The following TMEM117 variants were observed in gnomAD, a reference collection of about 807,000 sequenced individuals.
TMEM117 encodes the protein transmembrane protein 117.
A neutral mutation model predicts 52.4 loss-of-function variants in TMEM117; 27 were observed. The ratio of observed to expected loss-of-function variants is 0.51; its 90% CI spans 0.38 to 0.71. The LOEUF is 0.71. TMEM117 is among the 30% of genes least tolerant of loss of function. TMEM117 has a pLI of 0.00. For synonymous variants in TMEM117, 215 were observed against 206.3 expected (o/e 1.04, Z -0.36); for missense variants, 556 against 630.5 (o/e 0.88, Z 1.26).
chr12:44,114,230 C>T (rs983467508), intron 3 of TMEM117, among the ~76,000 whole-genome samples: 3 of 152,092 alleles, frequency 2.0e-5, no homozygotes, highest in Admixed American at 6.5e-5. Flanking sequence ...CTTGGCTCCT[C>T]CTCCGTACCA....
intron 6 of TMEM117, among the ~76,000 whole-genome samples, chr12:44,331,501 C>T (rs1378951557): frequency 6.6e-6 from 1 of 151,986 alleles, no homozygotes; most frequent in Non-Finnish European, 1.5e-5. Context: ...AGCCTCCACA[C>T]TCAAGAGTTA....
intron 3 of TMEM117, among the ~76,000 whole-genome samples, chr12:44,026,094 G>T (rs1266971166): frequency 6.6e-6 from 1 of 152,148 alleles, no homozygotes; most frequent in Non-Finnish European, 1.5e-5. Flanking sequence ...AGGTGACCCT[G>T]TTATATGAAT....
At chr12:44,271,999 T>TA (rs1950451963) in intron 5 of TMEM117, among the ~76,000 whole-genome samples, 1 of 152,060 alleles carries the variant, frequency 6.6e-6, no homozygotes, top group Non-Finnish European at 1.5e-5. Context: ...CCAACATCTC[T>TA]AATCATCAGG....
At position 44,187,729 on chromosome 12, in the gene TMEM117, TG is replaced by T. The variant is rs559533698; in HGVS notation, c.511-23559del. On this transcript the variant is annotated intron_variant, in intron 4 of 7. Coordinates refer to ENST00000266534, the MANE Select transcript of TMEM117 (RefSeq NM_032256.3). ...CAGTCATCTCCTGAAATAACCCTTTTGGCCACCAGTATTTGTTTTTTTAGAT... is the reference window on the plus strand; with the variant it reads ...CAGTCATCTCCTGAAATAACCCTTTTGCCACCAGTATTTGTTTTTTTAGAT... 3.3e-5 allele frequency among the ~76,000 whole-genome samples: 5 copies of T among 152,280 alleles called. No homozygotes were observed. The South Asian group carries it at 1.0e-3, about 32-fold the overall frequency.
chr12:44,394,076 A>G (rs1952171781), downstream of TMEM117, among the ~76,000 whole-genome samples: 1 of 152,226 alleles, frequency 6.6e-6, no homozygotes, highest in Non-Finnish European at 1.5e-5. Context: ...TCTAGGAAGC[A>G]TAATTTGAAT....
chr12:43,850,046 C>G (rs889239943), intron 2 of TMEM117, among the ~76,000 whole-genome samples: 6 of 152,150 alleles, frequency 3.9e-5, no homozygotes, highest in African/African-American at 1.4e-4. Flanking sequence ...CTGTGCAAAC[C>G]TATCCCCAAA....
the TMEM117 span, chr12:43,806,451 C>G: frequency 9.5e-7 from 1 of 1,048,470 alleles, no homozygotes; most frequent in South Asian, 4.6e-5. Context: ...GGTCCAGCCC[C>G]CGGCCTCGCT....
At chr12:44,283,145 G>T (rs1950598434) in intron 5 of TMEM117, among the ~76,000 whole-genome samples, 1 of 152,246 alleles carries the variant, frequency 6.6e-6, no homozygotes, top group African/African-American at 2.4e-5. Context: ...TTTGCTGCAG[G>T]GGCGAGGCCC....
chr12:44,277,433 A>T (rs1592659649), intron 5 of TMEM117, among the ~76,000 whole-genome samples: 1 of 152,258 alleles, frequency 6.6e-6, no homozygotes, highest in Non-Finnish European at 1.5e-5. Flanking sequence ...AGACCCATTT[A>T]TTATTTCACA....
At chr12:43,802,704 A>G in the TMEM117 span, among the ~76,000 whole-genome samples, 2 of 152,222 alleles carry the variant, frequency 1.3e-5, no homozygotes, top group East Asian at 1.9e-4. Context: ...AGAAAGAAAC[A>G]TATAAAAATG....
intron 3 of TMEM117, among the ~76,000 whole-genome samples, chr12:43,970,778 C>G (rs1369064748): frequency 1.3e-5 from 2 of 152,176 alleles, no homozygotes; most frequent in Non-Finnish European, 2.9e-5. Context: ...TTTGGGCTCT[C>G]ATCACTCAGG....
chr12:44,287,472 A>G (rs535852046), intron 5 of TMEM117, among the ~76,000 whole-genome samples: 1 of 152,318 alleles, frequency 6.6e-6, no homozygotes, highest in East Asian at 1.9e-4. Context: ...ATAAAAACCC[A>G]AGGATGGTGC....
rs954375802 is a variant in TMEM117 at position 44,315,459 on chromosome 12, C to T, written c.768+15720C>T. On this transcript the variant is annotated intron_variant, in intron 6 of 7. Coordinates refer to ENST00000266534, the MANE Select transcript of TMEM117 (RefSeq NM_032256.3). ...ATTTTGCTATGTTGTGTTGACTGTTCGTTTCTTTCAAAGAATTTTTTACTT... is the reference window on the plus strand; with the variant it reads ...ATTTTGCTATGTTGTGTTGACTGTTTGTTTCTTTCAAAGAATTTTTTACTT... Among the ~76,000 whole-genome samples, 4 of 152,020 alleles carry T rather than the reference C, an allele frequency of 2.6e-5. 1 individual carries two copies. The highest frequency in any genetic ancestry group is 1.9e-4 in the East Asian group (1 of 5,186).
Position 44,027,119 on chromosome 12 carries a change from ATTATT to A in TMEM117, c.410+82787_410+82791del, listed in dbSNP as rs370241782. On this transcript the variant is annotated intron_variant, in intron 3 of 7. Transcript: ENST00000266534. ...ATTTTATTTTATTTTATTTTATCTT[ATTATT>A]TTATTTTATATTTTATTTTATTTTA... 5.0e-3 allele frequency among the ~76,000 whole-genome samples: 579 copies of A among 115,460 alleles called. 4 individuals carry two copies. Among genetic ancestry groups the A allele is most frequent in the East Asian group, 0.024 (119 of 4,902 alleles). 75.7% of individuals were successfully genotyped at this position (115,460 alleles called of 152,430 possible).
the TMEM117 span, among the ~76,000 whole-genome samples, chr12:43,823,387 A>G: frequency 6.6e-6 from 1 of 152,234 alleles, no homozygotes; most frequent in Non-Finnish European, 1.5e-5. Context: ...ATTATACTAT[A>G]CATTTATTGA....
At chr12:43,828,863 C>T in the TMEM117 span, among the ~76,000 whole-genome samples, 1 of 152,296 alleles carries the variant, frequency 6.6e-6, no homozygotes, top group Admixed American at 6.5e-5. Context: ...CCTTTCTTTC[C>T]TACCCTTTTT....
chr12:44,210,640 AG>A (rs1949633358), intron 4 of TMEM117, among the ~76,000 whole-genome samples: 1 of 152,186 alleles, frequency 6.6e-6, no homozygotes, highest in Non-Finnish European at 1.5e-5. Context: ...TGACATGAGA[AG>A]GATGGGTCAA....
chr12:44,253,519 G>A (rs1950219922), intron 5 of TMEM117, among the ~76,000 whole-genome samples: 3 of 152,108 alleles, frequency 2.0e-5, no homozygotes, highest in Admixed American at 2.0e-4. Context: ...CAGAGATGCT[G>A]AATTTCAGTT....
chr12:44,206,399 A>T (rs1431951595), intron 4 of TMEM117, among the ~76,000 whole-genome samples: 2 of 152,168 alleles, frequency 1.3e-5, no homozygotes, highest in Admixed American at 1.3e-4. Context: ...TGCTGCAGAG[A>T]TCTTGTTTAT....
Sources: gnomAD v4.1 joint callset for allele counts (sites outside exome capture counted in the v4.1 genomes callset) on GRCh38, gnomAD v4.1.1 for gene constraint, MANE v1.5 for transcripts, NCBI Gene and HGNC (gene_info 2026-07-23, HGNC 2026-07-21) for gene names.